FBXO17: variants seen among roughly 807,000 people sequenced by gnomAD.
FBXO17 encodes the protein F-box only protein 17.
A neutral mutation model predicts 34.1 loss-of-function variants in FBXO17; 43 were observed. The ratio of observed to expected loss-of-function variants is 1.26; its 90% confidence interval spans 0.99 to 1.62. FBXO17 has a LOEUF of 1.62. Among genes scored for constraint, FBXO17 ranks in the 40% most tolerant of loss-of-function variants. The pLI is 0.00. For missense variants in FBXO17, 424 were observed against 386.7 expected, an observed-to-expected ratio of 1.10 and a Z score of -0.81; for synonymous variants, 169 against 166.0, an observed-to-expected ratio of 1.02 and a Z score of -0.14.
intron 2 of FBXO17, among the ~76,000 whole-genome samples, chr19:38,949,149 T>C (rs1271578602): frequency 1.3e-5 from 2 of 152,176 alleles, no homozygotes; most frequent in Admixed American, 6.5e-5. Flanking sequence ...CTGCCCAGGC[T>C]GGAGTGCAAT....
intron 1 of FBXO17, among the ~76,000 whole-genome samples, chr19:38,974,325 G>T (rs1197442576): frequency 6.6e-6 from 1 of 152,006 alleles, no homozygotes; most frequent in South Asian, 2.1e-4. Flanking sequence ...TGATCCGCCC[G>T]CCTCGGCCTC....
chr19:38,968,970 C>CA (rs1428755912), intron 1 of FBXO17, among the ~76,000 whole-genome samples: 7 of 151,944 alleles, frequency 4.6e-5, no homozygotes, highest in Non-Finnish European at 8.8e-5. Flanking sequence ...GTGATGGTTG[C>CA]ACAACTCTGT....
At position 38,950,106 on chromosome 19, in the gene FBXO17, G is replaced by A; in HGVS notation, c.214C>T (p.Arg72Cys). 3 of 1,562,876 alleles carry A rather than the reference G, an allele frequency of 1.9e-6. No homozygotes were observed. The highest frequency in any genetic ancestry group is 8.6e-7 in the Non-Finnish European group (1 of 1,156,668). The change falls in exon 2 of 6, where the codon CGC becomes TGC. Residue 72 changes from arginine to cysteine, a missense_variant. Arg to Cys is a radical substitution (Grantham distance 180, BLOSUM62 -3). Transcript: ENST00000292852. ...QLARDRSAEG[R>C]ALYAVAQRCL... ...CGTTGAGCCACTGCGTAGAGTGCGC[G>A]GCCCTCGGCGCTGCGGTCGCGGGCC...
chr19:38,971,516 G>A (rs1975390985), intron 1 of FBXO17, among the ~76,000 whole-genome samples: 1 of 152,128 alleles, frequency 6.6e-6, no homozygotes, highest in African/African-American at 2.4e-5. Flanking sequence ...GGGTGCTGTG[G>A]CTCACGCTTG....
chr19:38,959,435 T>A (rs1975216863), intron 1 of FBXO17, among the ~76,000 whole-genome samples: 1 of 150,626 alleles, frequency 6.6e-6, no homozygotes, highest in African/African-American at 2.5e-5. Flanking sequence ...CACGCCACCA[T>A]GCCTAGCTAA....
At chr19:38,970,061 C>T (rs890005828) in intron 1 of FBXO17, among the ~76,000 whole-genome samples, 3 of 151,922 alleles carry the variant, frequency 2.0e-5, no homozygotes, top group African/African-American at 7.3e-5. Flanking sequence ...GTAGCACATA[C>T]AAATAAGTCA....
intron 4 of FBXO17, 196 bp from the exon 5 acceptor site, chr19:38,945,300 G>C: frequency 1.5e-6 from 1 of 676,986 alleles, no homozygotes; most frequent in South Asian, 2.0e-5. Context: ...TGGCGGAGGA[G>C]CCTGGGTGGT....
At chr19:38,952,671 T>C (rs1975103090) in intron 1 of FBXO17, 1 of 532,232 alleles carries the variant, frequency 1.9e-6, no homozygotes, top group Non-Finnish European at 3.8e-6. Flanking sequence ...CTTAGCATCA[T>C]TCTCAGTGAT....
chr19:38,971,173 G>A (rs1975386234), intron 1 of FBXO17, among the ~76,000 whole-genome samples: 1 of 151,862 alleles, frequency 6.6e-6, no homozygotes, highest in Non-Finnish European at 1.5e-5. Flanking sequence ...CAGAGATGAT[G>A]GACCTCTAAT....
chr19:38,961,657 C>CGGTT (rs60276540), intron 1 of FBXO17, among the ~76,000 whole-genome samples: 88,787 of 151,128 alleles, frequency 0.59, 26,589 homozygotes, highest in East Asian at 0.88. Flanking sequence ...AACTACTATT[C>CGGTT]TGTTTTGTTT....
chr19:38,943,672 C>T lies in FBXO17; in HGVS notation c.694-921G>A, dbSNP rs533816921. ...TGGCATGATCTCAGCTCACTGCAAC[C>T]TCCACCTCCCCCGGTTCAATAAATT... On this transcript the variant is annotated intron_variant, in intron 5 of 5. Transcript: ENST00000292852. Among the ~76,000 whole-genome samples the T allele has an allele frequency of 7.2e-5, 11 of 152,298 alleles. No homozygotes were observed. In the East Asian group the frequency reaches 1.9e-3, roughly 27 times the overall value.
chr19:38,942,619 G>C lies in FBXO17; in HGVS notation c.826C>G (p.Arg276Gly). ...CAGTAGTCCAGTCGCTAGGACAGAC[G>C]GATCCTGACCCTCACACTGGAGTGG... is the stretch of plus-strand genomic sequence containing the variant. Reference protein sequence around the residue: ...VTHSSVRVRIRLS With the variant: ...VTHSSVRVRIGLS Residue 276 changes from arginine (R) to glycine (G), a missense_variant, in exon 6 of 6, where the codon CGT becomes GGT. Arg to Gly is a moderately radical substitution (Grantham distance 125). Coordinates refer to ENST00000292852, the MANE Select transcript of FBXO17 (RefSeq NM_024907.7). 1 of 1,576,690 alleles carries C rather than the reference G, an allele frequency of 6.3e-7. No homozygotes were observed. The highest frequency in any genetic ancestry group is 8.6e-7 in the Non-Finnish European group (1 of 1,166,672).
intron 5 of FBXO17, among the ~76,000 whole-genome samples, chr19:38,943,399 G>A (rs751014704): frequency 1.3e-5 from 2 of 148,876 alleles, no homozygotes; most frequent in South Asian, 2.1e-4. Flanking sequence ...TCAGCCTCCC[G>A]AGTAGCTGGG....
At chr19:38,959,469 T>C (rs1323229474) in intron 1 of FBXO17, among the ~76,000 whole-genome samples, 1 of 149,304 alleles carries the variant, frequency 6.7e-6, no homozygotes, top group Non-Finnish European at 1.5e-5. Flanking sequence ...TTTTTTTTAG[T>C]AGAGACGGGA....
chr19:38,946,712 G>T, intron 3 of FBXO17, 145 bp from the exon 4 acceptor site: 2 of 1,148,974 alleles, frequency 1.7e-6, no homozygotes, highest in Non-Finnish European at 2.4e-6. Context: ...GAAGATGCAT[G>T]ATGGGCTATA....
At chr19:38,943,304 C>T (rs895331740) in intron 5 of FBXO17, among the ~76,000 whole-genome samples, 5 of 151,838 alleles carry the variant, frequency 3.3e-5, no homozygotes, top group African/African-American at 1.2e-4. Flanking sequence ...GATGGAGTCT[C>T]ACTCTGTCGC....
chr19:38,947,853 C>T (rs1186787877), intron 3 of FBXO17, among the ~76,000 whole-genome samples: 3 of 151,788 alleles, frequency 2.0e-5, no homozygotes, highest in Non-Finnish European at 4.4e-5. Context: ...TATGAGCCAC[C>T]GTGCCCGGCC....
intron 3 of FBXO17, among the ~76,000 whole-genome samples, chr19:38,947,846 G>T (rs912262334): frequency 6.6e-6 from 1 of 151,584 alleles, no homozygotes; most frequent in Non-Finnish European, 1.5e-5. Context: ...TTACAGCTAT[G>T]AGCCACCGTG....
intron 2 of FBXO17, 135 bp from the exon 3 acceptor site, chr19:38,948,813 T>C: frequency 1.5e-6 from 1 of 675,498 alleles, no homozygotes; most frequent in Non-Finnish European, 2.6e-6. Flanking sequence ...TCCTACCGAC[T>C]CCTCCTCCCA....
Sources: allele counts gnomAD v4.1 joint callset (sites outside exome capture counted in the v4.1 genomes callset), GRCh38; gene constraint gnomAD v4.1.1; transcripts MANE v1.5; gene names NCBI Gene and HGNC (gene_info 2026-07-23, HGNC 2026-07-21).